ZMYM2: variants seen among roughly 807,000 people sequenced by gnomAD.
ZMYM2 encodes zinc finger MYM-type containing 2.
Under a neutral mutation model 162.8 loss-of-function variants are expected in ZMYM2, and 56 were observed. The observed-to-expected ratio is 0.34, with a 90% CI of 0.28 to 0.43. The LOEUF is 0.43. Among genes scored for constraint, ZMYM2 ranks in the 20% least tolerant of loss-of-function variants. The pLI is 1.00. For synonymous variants in ZMYM2, 510 were observed against 541.6 expected (o/e 0.94, Z 0.81); for missense variants, 1,275 against 1,621.8 (o/e 0.79, Z 3.67).
chr13:20,026,496 T>A, intron 7 of ZMYM2, 116 bp from the exon 8 acceptor site: 1 of 994,650 alleles, frequency 1.0e-6, no homozygotes, highest in Non-Finnish European at 1.4e-6. Context: ...ACTCTAAACC[T>A]GTTTAGAGAT....
intron 2 of ZMYM2, among the ~76,000 whole-genome samples, chr13:19,969,808 CTTTT>C (rs915286419): frequency 6.8e-6 from 1 of 146,302 alleles, no homozygotes; most frequent in Non-Finnish European, 1.5e-5. Flanking sequence ...ATTCCTTTGA[CTTTT>C]TTTTTTTCTT....
At chr13:20,026,943 A>T (rs187353271) in intron 8 of ZMYM2, among the ~76,000 whole-genome samples, 181 bp downstream of exon 8, 1 of 152,056 alleles carries the variant, frequency 6.6e-6, no homozygotes, top group Admixed American at 6.5e-5. Context: ...CTTCATGTCT[A>T]TGTTCTTAAC....
At chr13:19,879,464 C>T in the ZMYM2 span, among the ~76,000 whole-genome samples, 1 of 152,100 alleles carries the variant, frequency 6.6e-6, no homozygotes, top group African/African-American at 2.4e-5. Context: ...TTGACCATAG[C>T]CACAAACGTT....
chr13:19,988,004 C>T (rs1388106861), intron 2 of ZMYM2, among the ~76,000 whole-genome samples: 2 of 152,222 alleles, frequency 1.3e-5, no homozygotes, highest in African/African-American at 4.8e-5. Context: ...ACAGCTCTTT[C>T]TCTGAGAGGA....
At chr13:19,869,031 G>A in the ZMYM2 span, among the ~76,000 whole-genome samples, 1 of 152,178 alleles carries the variant, frequency 6.6e-6, no homozygotes, top group African/African-American at 2.4e-5. Context: ...GATTACAGGC[G>A]TGAGCCACCG....
chr13:19,936,408 G>C, the ZMYM2 span, among the ~76,000 whole-genome samples: 1 of 152,254 alleles, frequency 6.6e-6, no homozygotes, highest in East Asian at 1.9e-4. Flanking sequence ...AGATTAGGAA[G>C]AGGTACGTAA....
At chr13:19,964,595 G>A (rs926777591) in intron 2 of ZMYM2, among the ~76,000 whole-genome samples, 2 of 151,976 alleles carry the variant, frequency 1.3e-5, no homozygotes, top group Non-Finnish European at 2.9e-5. Flanking sequence ...ACTTTTGCAC[G>A]TTTATGTTTT....
At chr13:19,878,380 C>T in the ZMYM2 span, among the ~76,000 whole-genome samples, 1 of 152,020 alleles carries the variant, frequency 6.6e-6, no homozygotes, top group South Asian at 2.1e-4. Flanking sequence ...AGTAGTTATT[C>T]TAATTGATGT....
At chr13:19,919,834 C>T in the ZMYM2 span, among the ~76,000 whole-genome samples, 1 of 152,126 alleles carries the variant, frequency 6.6e-6, no homozygotes, top group East Asian at 1.9e-4. Flanking sequence ...TGCACCACAC[C>T]TGGCCGATTT....
rs547034239 is a variant in ZMYM2 at position 20,061,304 on chromosome 13, C to T, written c.2911+80C>T. The T allele has an allele frequency of 1.1e-4, 156 of 1,464,656 alleles. No homozygotes were observed. In the Middle Eastern group the frequency reaches 2.5e-3, roughly 24 times the overall value. 90.7% of individuals were successfully genotyped at this position (1,464,656 alleles called of 1,614,324 possible). On this transcript the variant is annotated intron_variant, in intron 17 of 24. Transcript: ENST00000610343. ...AGTATTGTTACAGTACTTTCCAGGG[C>T]ATATCATTTTGTTTCAACTTATGTG...
chr13:20,037,415 C>T (rs751754942), intron 12 of ZMYM2, among the ~76,000 whole-genome samples: 3 of 151,802 alleles, frequency 2.0e-5, no homozygotes, highest in Non-Finnish European at 2.9e-5. Flanking sequence ...AGGGTTTCAC[C>T]GTGTTGGCCA....
the ZMYM2 span, among the ~76,000 whole-genome samples, chr13:19,932,512 G>A: frequency 6.6e-6 from 1 of 152,082 alleles, no homozygotes; most frequent in Admixed American, 6.6e-5. Context: ...GCCAGGTGGT[G>A]GTGGTGCGCG....
chr13:19,995,436 A>C (rs1284977353), intron 3 of ZMYM2, among the ~76,000 whole-genome samples: 2 of 152,090 alleles, frequency 1.3e-5, no homozygotes, highest in Non-Finnish European at 2.9e-5. Context: ...TTATTGACAG[A>C]GTCTTGCTGT....
intron 21 of ZMYM2, among the ~76,000 whole-genome samples, 160 bp from the exon 22 acceptor site, chr13:20,081,856 A>G (rs1036546752): frequency 4.6e-5 from 7 of 151,958 alleles, no homozygotes; most frequent in African/African-American, 1.7e-4. Flanking sequence ...ATGATTCTTT[A>G]TAATTTCTAG....
At chr13:19,976,868 A>C (rs543321364) in intron 2 of ZMYM2, among the ~76,000 whole-genome samples, 1 of 152,300 alleles carries the variant, frequency 6.6e-6, no homozygotes, top group East Asian at 1.9e-4. Context: ...GGAAGGGTAT[A>C]ATGAAGTCTT....
chr13:20,042,524 T>C (rs947813862), intron 12 of ZMYM2, among the ~76,000 whole-genome samples: 2 of 152,112 alleles, frequency 1.3e-5, no homozygotes, highest in African/African-American at 4.8e-5. Flanking sequence ...CCTTTCCATA[T>C]TCTGAATTCT....
At chr13:20,061,289 C>T in intron 17 of ZMYM2, 65 bp downstream of exon 17, 1 of 1,527,054 alleles carries the variant, frequency 6.5e-7, no homozygotes, top group Non-Finnish European at 8.9e-7. Context: ...AGTATTGTTA[C>T]AGTACTTTCC....
intron 14 of ZMYM2, among the ~76,000 whole-genome samples, chr13:20,055,271 C>A (rs1382143905): frequency 6.6e-6 from 1 of 152,104 alleles, no homozygotes; most frequent in Non-Finnish European, 1.5e-5. Context: ...TATTTGTAAC[C>A]CCTTAATCGA....
the ZMYM2 span, among the ~76,000 whole-genome samples, chr13:19,919,965 A>T: frequency 6.6e-6 from 1 of 151,978 alleles, no homozygotes; most frequent in Non-Finnish European, 1.5e-5. Context: ...GAGCCACTGC[A>T]CCTGGCCAAA....
Sources: allele counts gnomAD v4.1 joint callset (sites outside exome capture counted in the v4.1 genomes callset), GRCh38; gene constraint gnomAD v4.1.1; transcripts MANE v1.5; gene names NCBI Gene and HGNC (gene_info 2026-07-23, HGNC 2026-07-21).